The following VPS13D variants were observed in gnomAD, a reference collection of about 807,000 sequenced individuals.
The protein encoded by VPS13D is intermembrane lipid transfer protein VPS13D.
A neutral mutation model predicts 461.9 loss-of-function variants in VPS13D; 187 were observed. That is an observed-to-expected ratio of 0.40 (90% CI 0.36 to 0.46). The LOEUF (loss-of-function observed/expected upper bound fraction) is 0.46, where lower values mean the gene tolerates loss of function less well. Among genes scored for constraint, VPS13D ranks in the 20% least tolerant of loss-of-function variants. VPS13D has a pLI of 0.60. For missense variants in VPS13D, 4,711 were observed against 5,364.9 expected (o/e 0.88, Z 3.81); for synonymous variants, 1,951 against 1,986.3 (o/e 0.98, Z 0.47).
chr1:12,327,889 A>G, intron 36 of VPS13D, 35 bp downstream of exon 36: 2 of 1,596,640 alleles, frequency 1.3e-6, no homozygotes, highest in Non-Finnish European at 1.7e-6. Context: ...TTCATCTTGA[A>G]TATTTCCAGT....
chr1:12,445,251 G>T (rs1645178270), intron 65 of VPS13D, among the ~76,000 whole-genome samples: 1 of 152,202 alleles, frequency 6.6e-6, no homozygotes. Flanking sequence ...GGGTTAATTA[G>T]TTCTCTTCTA....
Position 12,383,145 on chromosome 1 carries a change from G to T in VPS13D, c.11360G>T (p.Arg3787Ile), listed in dbSNP as rs1359246210. 6.2e-7 allele frequency: 1 copy of T among 1,613,046 alleles called. No homozygotes were observed. Among genetic ancestry groups the T allele is most frequent in the African/African-American group, 1.3e-5 (1 of 74,972 alleles). The change falls in exon 58 of 70, where the codon AGA becomes ATA. Residue 3787 changes from arginine (R) to isoleucine (I), a missense_variant. Transcript: ENST00000620676. ...SIRVIPDGPT[R>I]ALQITDFCHR... ...AGAGTCATCCCAGATGGACCAACTA[G>T]AGCACTCCAGGTGATAATTTGTCAT...
chr1:12,311,518 C>T lies in VPS13D; in HGVS notation c.6715C>T (p.Leu2239=). Residue 2239 remains leucine, a synonymous_variant, in exon 28 of 70, where the codon CTG becomes TTG. Coordinates refer to ENST00000620676, the MANE Select transcript of VPS13D (RefSeq NM_015378.4). The stretch of plus-strand genomic sequence containing the variant: ...CAATCTCTCCTCAGTCCACTGCTCT[C>T]TGGATCTGTATAAATACAAGCTGAT... ...HGNLSSVHCS[L]DLYKYKLIRG... 1.2e-6 allele frequency: 2 copies of T among 1,614,188 alleles called. No homozygotes were observed. The highest frequency in any genetic ancestry group is 1.7e-6 in the Non-Finnish European group (2 of 1,180,032).
intron 22 of VPS13D, among the ~76,000 whole-genome samples, chr1:12,290,020 G>A (rs1642081672): frequency 6.6e-6 from 1 of 152,090 alleles, no homozygotes; most frequent in African/African-American, 2.4e-5. Flanking sequence ...GTTTTATCAC[G>A]ATAATTATGA....
In VPS13D at chr1:12,348,948, A is replaced by G. The variant is rs1643736345; in HGVS notation, c.9195A>G (p.Arg3065=). ...RNRLETPMEL[R]LDSPSAPDKP... is the part of the protein sequence containing the mutation. ...GACTTGAGACACCAATGGAACTAAG[A>G]CTGGATAGCCCATCAGCTCCAGACA... is the stretch of plus-strand genomic sequence containing the variant. The change falls in exon 45 of 70, where the codon AGA becomes AGG. Residue 3065 remains arginine (R), a synonymous_variant. Transcript: ENST00000620676. 1.2e-6 allele frequency: 2 copies of G among 1,614,152 alleles called. No homozygotes were observed. The highest frequency in any genetic ancestry group is 1.7e-6 in the Non-Finnish European group (2 of 1,180,026).
chr1:12,491,078 G>A (rs1645874527), intron 67 of VPS13D, among the ~76,000 whole-genome samples: 1 of 152,308 alleles, frequency 6.6e-6, no homozygotes, highest in Middle Eastern at 3.4e-3. Context: ...ATTGGAAGAG[G>A]TAGTCTGGAT....
intron 63 of VPS13D, among the ~76,000 whole-genome samples, chr1:12,411,245 G>A (rs1021674710): frequency 2.6e-5 from 4 of 152,182 alleles, no homozygotes; most frequent in African/African-American, 9.7e-5. Context: ...ATTAGAATAA[G>A]TAAATTTAGT....
At chr1:12,396,674 C>A (rs1644503420) in intron 60 of VPS13D, among the ~76,000 whole-genome samples, 1 of 152,294 alleles carries the variant, frequency 6.6e-6, no homozygotes, top group African/African-American at 2.4e-5. Flanking sequence ...TCTCCCTTAA[C>A]ATGTCATGCG....
intron 65 of VPS13D, among the ~76,000 whole-genome samples, chr1:12,428,721 A>AG (rs1644956067): frequency 6.6e-6 from 1 of 152,242 alleles, no homozygotes; most frequent in Non-Finnish European, 1.5e-5. Flanking sequence ...AGCAGGCACC[A>AG]GATTTTACCT....
At chr1:12,417,999 C>T (rs1339176468) in intron 65 of VPS13D, among the ~76,000 whole-genome samples, 2 of 152,072 alleles carry the variant, frequency 1.3e-5, no homozygotes, top group East Asian at 1.9e-4. Context: ...CTCTGCCTCC[C>T]GAGTTCAAGC....
intron 24 of VPS13D, among the ~76,000 whole-genome samples, chr1:12,295,752 C>T (rs1569837670): frequency 6.6e-6 from 1 of 152,232 alleles, no homozygotes; most frequent in East Asian, 1.9e-4. Flanking sequence ...TCTGTGAACC[C>T]ACCTCTAACT....
chr1:12,345,459 G>A lies in VPS13D; in HGVS notation c.8971G>A (p.Gly2991Arg), dbSNP rs1643654932. 2 of 1,613,800 alleles carry A rather than the reference G, an allele frequency of 1.2e-6. No individual in the cohort carries two copies. The highest frequency in any genetic ancestry group is 1.7e-4 in the Middle Eastern group (1 of 6,056). The change falls in exon 43 of 70, where the codon GGG becomes AGG. Residue 2991 changes from glycine (G) to arginine (R), a missense_variant. Gly to Arg is a moderately radical substitution (Grantham distance 125). Coordinates refer to ENST00000620676, the MANE Select transcript of VPS13D (RefSeq NM_015378.4). ...GAGCCCAGTGTCTGTGGACAAAGTCGGGACCTTTTTTCGATATGCAGCACC... is the reference window on the plus strand; with the variant it reads ...GAGCCCAGTGTCTGTGGACAAAGTCAGGACCTTTTTTCGATATGCAGCACC... The part of the protein sequence containing the change: ...QVSPVSVDKV[G>R]TFFRYAAPDK...
At chr1:12,320,983 T>C (rs1569898289) in intron 32 of VPS13D, among the ~76,000 whole-genome samples, 1 of 152,298 alleles carries the variant, frequency 6.6e-6, no homozygotes, top group East Asian at 1.9e-4. Flanking sequence ...AGCACTAGGA[T>C]AGGTCCCAAA....
intron 30 of VPS13D, 47 bp from the exon 31 acceptor site, chr1:12,318,025 C>A: frequency 1.9e-6 from 3 of 1,556,518 alleles, no homozygotes; most frequent in Non-Finnish European, 2.6e-6. Context: ...ATTGAAATAA[C>A]CATGTTTCTT....
At chr1:12,508,308 C>G (rs769379585) in intron 69 of VPS13D, among the ~76,000 whole-genome samples, 120 of 152,146 alleles carry the variant, frequency 7.9e-4, no homozygotes, top group Non-Finnish European at 1.4e-3. Context: ...ATGTGAATCC[C>G]CCATTCTTGC....
At chr1:12,489,600 T>C (rs998866552) in intron 67 of VPS13D, among the ~76,000 whole-genome samples, 1 of 152,068 alleles carries the variant, frequency 6.6e-6, no homozygotes, top group Non-Finnish European at 1.5e-5. Context: ...GCAGTGAGCC[T>C]CCCCAGTAGG....
chr1:12,314,364 G>A, intron 30 of VPS13D, 37 bp downstream of exon 30: 1 of 1,588,032 alleles, frequency 6.3e-7, no homozygotes, highest in Non-Finnish European at 8.6e-7. Context: ...TTTCTTTGTG[G>A]AGACATTCCC....
intron 65 of VPS13D, among the ~76,000 whole-genome samples, chr1:12,436,955 A>G (rs1448592987): frequency 6.6e-6 from 1 of 152,154 alleles, no homozygotes; most frequent in Non-Finnish European, 1.5e-5. Context: ...CGCGTGAGCC[A>G]CCGCTCCTGG....
intron 5 of VPS13D, among the ~76,000 whole-genome samples, chr1:12,245,330 A>G (rs187018221): frequency 1.3e-5 from 2 of 152,328 alleles, no homozygotes; most frequent in African/African-American, 2.4e-5. Context: ...CATGTTCCCA[A>G]AAATTACAGT....
Sources: gnomAD v4.1 joint callset for allele counts (sites outside exome capture counted in the v4.1 genomes callset) on GRCh38, gnomAD v4.1.1 for gene constraint, MANE v1.5 for transcripts, NCBI Gene and HGNC (gene_info 2026-07-23, HGNC 2026-07-21) for gene names.